SCAF11: variants seen among roughly 807,000 people sequenced by gnomAD.
The protein encoded by SCAF11 is SR-related CTD associated factor 11, also known as protein SCAF11.
SCAF11 carries 47 observed loss-of-function variants against 140.5 expected under a neutral mutation model. The ratio of observed to expected loss-of-function variants is 0.33; its 90% CI spans 0.26 to 0.43. SCAF11 has a LOEUF of 0.43. SCAF11 is among the 20% of genes least tolerant of loss of function. SCAF11 has a pLI of 1.00. For synonymous variants in SCAF11, 557 were observed against 579.4 expected (o/e 0.96, Z 0.55); for missense variants, 1,645 against 1,705.1 (o/e 0.96, Z 0.62).
chr12:45,985,519 T>C (rs78773602), intron 1 of SCAF11, among the ~76,000 whole-genome samples: 1 of 152,272 alleles, frequency 6.6e-6, no homozygotes, highest in African/African-American at 2.4e-5. Context: ...GAAAGTCAGA[T>C]GGACCCAGCT....
At chr12:45,952,197 T>A (rs758579190) in intron 3 of SCAF11, among the ~76,000 whole-genome samples, 9 of 152,174 alleles carry the variant, frequency 5.9e-5, no homozygotes, top group Non-Finnish European at 1.3e-4. Context: ...GAAAATGAAG[T>A]ACTCCTTCAC....
intron 1 of SCAF11, among the ~76,000 whole-genome samples, chr12:45,985,731 T>C (rs903657570): frequency 3.3e-5 from 5 of 152,212 alleles, no homozygotes; most frequent in African/African-American, 1.2e-4. Flanking sequence ...TTCTGTAATA[T>C]GGGTGATAAT....
In SCAF11 at chr12:45,954,177, A is replaced by G. The variant is rs1565677495; in HGVS notation, c.220-2450T>C. ...CATACAATCTCATTTTTTCTTTATT[A>G]AATTTCCTCTACTGACATCAGCTAA... is the stretch of plus-strand genomic sequence containing the variant. On this transcript the variant is annotated intron_variant, in intron 3 of 14. Transcript: ENST00000369367. Among the ~76,000 whole-genome samples the G allele has an allele frequency of 2.0e-5, 3 of 152,160 alleles. 1 individual carries two copies. The South Asian group carries it at 6.2e-4, about 32-fold the overall frequency.
At chr12:45,934,724 A>C (rs1276833047) in intron 6 of SCAF11, among the ~76,000 whole-genome samples, 1 of 152,234 alleles carries the variant, frequency 6.6e-6, no homozygotes, top group African/African-American at 2.4e-5. Context: ...CACAATACAG[A>C]AACTGGGTGA....
At chr12:45,941,191 C>T (rs1411481916) in intron 6 of SCAF11, among the ~76,000 whole-genome samples, 1 of 152,124 alleles carries the variant, frequency 6.6e-6, no homozygotes, top group Admixed American at 6.5e-5. Flanking sequence ...CTTATTTGTA[C>T]ATGAAATGCA....
At chr12:45,943,071 A>G (rs980307766) in intron 6 of SCAF11, among the ~76,000 whole-genome samples, 5 of 152,204 alleles carry the variant, frequency 3.3e-5, no homozygotes, top group African/African-American at 1.2e-4. Flanking sequence ...ATCAAATGTA[A>G]TATCTAAATA....
chr12:45,984,698 T>C (rs1416937860), intron 1 of SCAF11, among the ~76,000 whole-genome samples: 1 of 150,084 alleles, frequency 6.7e-6, no homozygotes, highest in Non-Finnish European at 1.5e-5. Context: ...GCACTTCCTT[T>C]TTTTTTTTTT....
chr12:45,982,834 A>G (rs371358733), intron 1 of SCAF11, among the ~76,000 whole-genome samples: 71 of 152,310 alleles, frequency 4.7e-4, no homozygotes, highest in African/African-American at 1.5e-3. Context: ...AAGCTGCTAA[A>G]TAACTACTGT....
At chr12:45,933,863 G>A (rs1390165608) in intron 8 of SCAF11, among the ~76,000 whole-genome samples, 3 of 152,030 alleles carry the variant, frequency 2.0e-5, no homozygotes, top group African/African-American at 7.2e-5. Context: ...TTCTTCTTTA[G>A]GTAACATCCC....
chr12:45,947,079 A>C (rs1414924904), intron 5 of SCAF11, among the ~76,000 whole-genome samples: 1 of 152,208 alleles, frequency 6.6e-6, no homozygotes, highest in Non-Finnish European at 1.5e-5. Flanking sequence ...CAACTGTTTT[A>C]GGAACTAAAT....
intron 1 of SCAF11, among the ~76,000 whole-genome samples, chr12:45,977,030 AG>A (rs1380552063): frequency 1.3e-5 from 2 of 152,148 alleles, no homozygotes; most frequent in Non-Finnish European, 2.9e-5. Flanking sequence ...AGAAACCTCG[AG>A]GCCCACATAA....
chr12:45,986,996 A>T (rs1946473226), intron 1 of SCAF11, among the ~76,000 whole-genome samples: 1 of 152,328 alleles, frequency 6.6e-6, no homozygotes, highest in African/African-American at 2.4e-5. Context: ...TAGCTGAGGC[A>T]TTCTTAGCTC....
In SCAF11 at chr12:45,948,452, G is replaced by T; in HGVS notation, c.383C>A (p.Ser128Tyr). 1 of 1,607,572 alleles carries T rather than the reference G, an allele frequency of 6.2e-7. No individual in the cohort carries two copies. The highest frequency in any genetic ancestry group is 8.5e-7 in the Non-Finnish European group (1 of 1,175,924). ...AATCACTAACCTTATACAGCTTTTA[G>T]AATTTTCATGACAGGAGACCTGTTT... ...FEKQVSCHEN[S>Y]KSCIRRKAIV... Residue 128 changes from serine (S) to tyrosine (Y), a missense_variant, in exon 5 of 15, where the codon TCT becomes TAT. By Grantham distance (144) the Ser-to-Tyr change is moderately radical. Around this residue, in one of 2 missense-constraint regions of SCAF11, gnomAD observed 1,582 missense variants for 1,609.2 expected, o/e 0.98. Transcript: ENST00000369367.
chr12:45,929,658 AAC>A (rs1240067246), intron 10 of SCAF11: 1 of 152,254 alleles, frequency 6.6e-6, no homozygotes, highest in Non-Finnish European at 1.5e-5. Context: ...CAAAAACTAC[AAC>A]AGAGTTTCTA....
In SCAF11 at chr12:45,990,333, G is replaced by A. The variant is rs1946566947; in HGVS notation, c.-22+20C>T. On this transcript the variant is annotated intron_variant, in intron 1 of 14. Transcript: ENST00000369367. The stretch of plus-strand genomic sequence containing the variant: ...ACAGCTGCCCAAGCCCATCCACCCC[G>A]CGGGTCGACCAGTGTTTACCTCAGA... 4.9e-6 allele frequency: 6 copies of A among 1,231,698 alleles called. No homozygotes were observed. The highest frequency in any genetic ancestry group is 2.0e-6 in the Non-Finnish European group (2 of 988,128). 76.3% of individuals were successfully genotyped at this position (1,231,698 alleles called of 1,614,324 possible). A position where few individuals can be genotyped will look rare whatever the true frequency, so the allele number is the denominator to read the frequency against.
Position 45,926,182 on chromosome 12 carries a change from C to G in SCAF11, c.3519G>C (p.Gln1173His), listed in dbSNP as rs962956622. 6.2e-7 allele frequency: 1 copy of G among 1,613,978 alleles called. No homozygotes were observed. Among genetic ancestry groups the G allele is most frequent in the African/African-American group, 1.3e-5 (1 of 74,924 alleles). The change falls in exon 11 of 15, where the codon CAG becomes CAC. Residue 1173 changes from glutamine to histidine, a missense_variant. By Grantham distance (24) the Gln-to-His change is conservative. Coordinates refer to ENST00000369367, the MANE Select transcript of SCAF11 (RefSeq NM_004719.3). ...CCTCCTCTTGTTTCATCCATCCAGA[C>G]TGTGGACCTGAAGAATTTCTGCCTC... ...SRRGRNSSGP[Q>H]SGWMKQEEET...
At chr12:45,972,449 G>C (rs1487045955) in intron 1 of SCAF11, among the ~76,000 whole-genome samples, 1 of 151,976 alleles carries the variant, frequency 6.6e-6, no homozygotes, top group African/African-American at 2.4e-5. Flanking sequence ...GCCAAGCATA[G>C]TGGTGTGTCA....
At chr12:45,922,837 A>G in intron 13 of SCAF11, 99 bp downstream of exon 13, 7 of 1,129,658 alleles carry the variant, frequency 6.2e-6, no homozygotes, top group Non-Finnish European at 7.9e-6. Context: ...TAGACAGCCA[A>G]TAAGAAATTC....
intron 10 of SCAF11, 114 bp downstream of exon 10, chr12:45,931,391 AG>A (rs1945042088): frequency 4.0e-6 from 2 of 499,536 alleles, no homozygotes; most frequent in Admixed American, 8.5e-5. Context: ...CGTATTTACA[AG>A]TTACTATGCC....
Sources: allele counts gnomAD v4.1 joint callset (sites outside exome capture counted in the v4.1 genomes callset), GRCh38; gene constraint gnomAD v4.1.1; regional missense constraint gnomAD v4.1.1; transcripts MANE v1.5; gene names NCBI Gene and HGNC (gene_info 2026-07-23, HGNC 2026-07-21).